Variants in CDK14 observed in about 807,000 individuals in gnomAD.
CDK14 encodes cyclin-dependent kinase 14.
Under a neutral mutation model 60.7 loss-of-function variants are expected in CDK14, and 34 were observed. That is an observed-to-expected ratio of 0.56 (90% CI 0.43 to 0.75). The LOEUF is 0.75. Among genes scored for constraint, CDK14 ranks in the 30% least tolerant of loss-of-function variants. The probability of loss-of-function intolerance (pLI) is 0.00; values close to 1 mark genes in which losing one functional copy is unlikely to be tolerated. For synonymous variants in CDK14, 197 were observed against 203.7 expected (o/e 0.97, Z 0.28); for missense variants, 482 against 564.1 (o/e 0.85, Z 1.47).
At chr7:90,786,890 C>A (rs969476445) in intron 4 of CDK14, among the ~76,000 whole-genome samples, 7 of 135,494 alleles carry the variant, frequency 5.2e-5, no homozygotes, top group Non-Finnish European at 9.1e-5. Context: ...CATGCCACTG[C>A]ACTTCAGCCT....
chr7:90,799,404 C>A (rs1425108514), intron 5 of CDK14, among the ~76,000 whole-genome samples: 1 of 152,006 alleles, frequency 6.6e-6, no homozygotes, highest in Non-Finnish European at 1.5e-5. Context: ...AAAGCTGAAC[C>A]TGGCTGGGTG....
chr7:90,998,820 C>T (rs1488436947), intron 10 of CDK14, among the ~76,000 whole-genome samples: 21 of 152,058 alleles, frequency 1.4e-4, no homozygotes, highest in African/African-American at 4.1e-4. Flanking sequence ...ACCCGGGAGG[C>T]GGAGCTTGCA....
rs114824253 is a variant in CDK14, at chr7:91,142,250, C to T, written c.*28+24042C>T. Among the ~76,000 whole-genome samples the T allele has an allele frequency of 5.4e-3, 822 of 152,288 alleles. 7 individuals are homozygous for T. The highest frequency in any genetic ancestry group is 0.018 in the African/African-American group (761 of 41,542). ...TGTTAGAAAAAGGAAGATTAGACCACTTTGGGCATTCTCTAACAGCAGTGA... is the reference window on the plus strand; with the variant it reads ...TGTTAGAAAAAGGAAGATTAGACCATTTTGGGCATTCTCTAACAGCAGTGA... On this transcript the variant is annotated intron_variant, in intron 14 of 14. Transcript: ENST00000380050.
chr7:90,720,089 T>C (rs944445244), intron 2 of CDK14, among the ~76,000 whole-genome samples: 1 of 152,184 alleles, frequency 6.6e-6, no homozygotes. Flanking sequence ...GGAAAAGTAC[T>C]TTAGGGGGCT....
intron 5 of CDK14, among the ~76,000 whole-genome samples, chr7:90,816,828 A>T (rs1789373988): frequency 6.6e-6 from 1 of 152,202 alleles, no homozygotes; most frequent in Non-Finnish European, 1.5e-5. Context: ...GAATCTGAGG[A>T]TATAAAAGCT....
At chr7:90,683,197 G>C (rs771408152) in intron 2 of CDK14, among the ~76,000 whole-genome samples, 6 of 152,026 alleles carry the variant, frequency 3.9e-5, no homozygotes, top group Non-Finnish European at 8.8e-5. Flanking sequence ...GCCTTCTCAC[G>C]TGCAAGATCC....
rs533688157 is a variant in CDK14, at chr7:91,051,843, C to A, written c.1105+5883C>A. 4.6e-5 allele frequency among the ~76,000 whole-genome samples: 7 copies of A among 152,278 alleles called. No individual in the cohort carries two copies. The South Asian group carries it at 6.2e-4, about 14-fold the overall frequency. On this transcript the variant is annotated intron_variant, in intron 11 of 14. Coordinates refer to ENST00000380050, the MANE Select transcript of CDK14 (RefSeq NM_001287135.2). ...TACCAGGTTTACCCCCTGCTACATCCCATCGACAGGTGCTGTGGTTCATAT... is the reference window on the plus strand; with the variant it reads ...TACCAGGTTTACCCCCTGCTACATCACATCGACAGGTGCTGTGGTTCATAT...
At chr7:90,841,872 A>G (rs1293951504) in intron 5 of CDK14, among the ~76,000 whole-genome samples, 3 of 152,140 alleles carry the variant, frequency 2.0e-5, no homozygotes, top group East Asian at 1.9e-4. Context: ...GCATGTCCTC[A>G]TGCAGCCTTT....
At chr7:90,750,164 A>G (rs1202601024) in intron 4 of CDK14, among the ~76,000 whole-genome samples, 1 of 55,156 alleles carries the variant, frequency 1.8e-5, no homozygotes, top group East Asian at 2.9e-4. Context: ...ACACACACAC[A>G]CACACACACA....
intron 7 of CDK14, among the ~76,000 whole-genome samples, chr7:90,908,918 T>C (rs554487890): frequency 4.5e-4 from 69 of 152,322 alleles, no homozygotes; most frequent in Admixed American, 3.8e-3. Flanking sequence ...TCTATCACCT[T>C]TGTCAATTTT....
chr7:91,071,821 C>T (rs1002847417), intron 11 of CDK14, among the ~76,000 whole-genome samples: 5 of 152,224 alleles, frequency 3.3e-5, no homozygotes, highest in Non-Finnish European at 5.9e-5. Flanking sequence ...ATGCTCTTCC[C>T]CTGCTGAAGC....
chr7:91,086,451 G>T (rs1401255592), intron 12 of CDK14, among the ~76,000 whole-genome samples: 3 of 152,042 alleles, frequency 2.0e-5, no homozygotes, highest in African/African-American at 7.2e-5. Context: ...TAGACACACA[G>T]CTCTCTACCC....
intron 10 of CDK14, among the ~76,000 whole-genome samples, chr7:90,993,334 T>C (rs1795589646): frequency 6.6e-6 from 1 of 152,050 alleles, no homozygotes; most frequent in Non-Finnish European, 1.5e-5. Flanking sequence ...TATTTTACAA[T>C]CAATATTCAT....
chr7:90,663,469 C>T (rs1425111404), intron 2 of CDK14, among the ~76,000 whole-genome samples: 1 of 152,170 alleles, frequency 6.6e-6, no homozygotes, highest in Non-Finnish European at 1.5e-5. Flanking sequence ...TCTTCCCCTC[C>T]TTCAGTGTGT....
chr7:90,799,374 G>A (rs905437701), intron 5 of CDK14, among the ~76,000 whole-genome samples: 5 of 152,064 alleles, frequency 3.3e-5, no homozygotes, highest in Non-Finnish European at 7.4e-5. Context: ...TAAGGTTAAC[G>A]CTAGCATGTG....
chr7:90,845,114 AT>A (rs975254761), intron 5 of CDK14, among the ~76,000 whole-genome samples: 16 of 151,682 alleles, frequency 1.1e-4, no homozygotes, highest in Admixed American at 6.6e-5. Flanking sequence ...ATTTTTACTT[AT>A]TTTTTTTCTT....
At chr7:90,770,152 T>G (rs1304873060) in intron 4 of CDK14, among the ~76,000 whole-genome samples, 1 of 152,242 alleles carries the variant, frequency 6.6e-6, no homozygotes, top group African/African-American at 2.4e-5. Context: ...GCTAATGTCC[T>G]GTTTGATGGT....
At chr7:90,640,517 AGAG>A (rs774328096) in intron 2 of CDK14, among the ~76,000 whole-genome samples, 7 of 152,116 alleles carry the variant, frequency 4.6e-5, no homozygotes, top group Non-Finnish European at 8.8e-5. Context: ...ATTTGGATGG[AGAG>A]GAGGAATGAA....
chr7:90,801,251 C>T (rs1011161356), intron 5 of CDK14, among the ~76,000 whole-genome samples: 1 of 152,174 alleles, frequency 6.6e-6, no homozygotes, highest in Non-Finnish European at 1.5e-5. Context: ...TTTGATAACA[C>T]TCTTCTTTGT....
Sources: allele counts gnomAD v4.1 joint callset (sites outside exome capture counted in the v4.1 genomes callset), GRCh38; gene constraint gnomAD v4.1.1; transcripts MANE v1.5; gene names NCBI Gene and HGNC (gene_info 2026-07-23, HGNC 2026-07-21).